The following RPH3AL variants were observed in gnomAD, a reference collection of about 807,000 sequenced individuals.
The protein encoded by RPH3AL is rabphilin 3A like (without C2 domains).
RPH3AL carries 38 observed loss-of-function variants against 43.1 expected under a neutral mutation model. The ratio of observed to expected loss-of-function variants is 0.88; its 90% CI spans 0.68 to 1.15. RPH3AL has a LOEUF of 1.15. RPH3AL is among the 50% of genes most tolerant of loss of function. The pLI is 0.00. For synonymous variants in RPH3AL, 189 were observed against 176.3 expected (o/e 1.07, Z -0.57); for missense variants, 462 against 423.2 (o/e 1.09, Z -0.81).
In RPH3AL at chr17:333,052, C is replaced by G; in HGVS notation, c.-37+707G>C. The G allele has an allele frequency of 7.8e-7, 1 of 1,289,102 alleles. No individual in the cohort carries two copies. The highest frequency in any genetic ancestry group is 1.0e-6 in the Non-Finnish European group (1 of 988,702). 79.9% of individuals were successfully genotyped at this position (1,289,102 alleles called of 1,614,324 possible). On this transcript the variant is annotated intron_variant, in intron 2 of 9. Coordinates refer to ENST00000331302, the MANE Select transcript of RPH3AL (RefSeq NM_006987.4). This position sits in a 1 kb window ranked among gnomAD's most constrained non-coding sequence, Gnocchi z 4.5. ...AGATCGGTAAAAACAACCCCTTCTTCCAGGAGGATGCAATTCTCTCTCTAA... is the reference window on the plus strand; with the variant it reads ...AGATCGGTAAAAACAACCCCTTCTTGCAGGAGGATGCAATTCTCTCTCTAA...
intron 6 of RPH3AL, among the ~76,000 whole-genome samples, chr17:258,935 A>G (rs184557295): frequency 1.0e-3 from 157 of 151,664 alleles, no homozygotes; most frequent in Middle Eastern, 3.4e-3. Flanking sequence ...GAAGTCAACC[A>G]CTTTTGAACT....
intron 8 of RPH3AL, 79 bp downstream of exon 8, chr17:219,544 A>ATT: frequency 1.9e-5 from 1 of 51,588 alleles, no homozygotes; most frequent in Non-Finnish European, 3.4e-5. Context: ...TTTTTTTTTG[A>ATT]GATGGAGTTT....
chr17:349,178 A>G (rs1308045606), intron 1 of RPH3AL: 1 of 152,064 alleles, frequency 6.6e-6, no homozygotes, highest in Non-Finnish European at 1.5e-5. Flanking sequence ...CCAGGGAGAG[A>G]ATGGTCCTCC....
intron 8 of RPH3AL, among the ~76,000 whole-genome samples, chr17:217,562 C>G (rs2040839465): frequency 1.7e-5 from 1 of 58,770 alleles, no homozygotes. Flanking sequence ...CATTTCGTTC[C>G]CATCTGGGGC....
rs750460470 is a variant in RPH3AL at position 225,596 on chromosome 17, T to C, written c.614-5860A>G. Among the ~76,000 whole-genome samples, 2 of 152,158 alleles carry C rather than the reference T, an allele frequency of 1.3e-5. No homozygotes were observed. The highest frequency in any genetic ancestry group is 2.9e-5 in the Non-Finnish European group (2 of 68,008). ...GAAATTAGAGGCCTGTGGCTCACAC[T>C]TCCCGGGAGCAGGGAGGTGTCCAGC... is the stretch of plus-strand genomic sequence containing the variant. On this transcript the variant is annotated intron_variant, in intron 7 of 9. Transcript: ENST00000331302. The surrounding 1 kb of genome is among the most constrained non-coding windows in gnomAD (Gnocchi z 4.4).
intron 6 of RPH3AL, among the ~76,000 whole-genome samples, chr17:250,466 T>C (rs1296621164): frequency 2.2e-5 from 2 of 92,062 alleles, no homozygotes; most frequent in East Asian, 3.8e-4. Flanking sequence ...AGAGCCTAAG[T>C]GCCATCGCTG....
intron 6 of RPH3AL, among the ~76,000 whole-genome samples, chr17:250,978 C>T (rs1555542360): frequency 6.6e-6 from 1 of 152,222 alleles, no homozygotes; most frequent in Non-Finnish European, 1.5e-5. Context: ...AAGAACACAC[C>T]GTGCTCTCTA....
chr17:263,178 G>A (rs1365786878), intron 6 of RPH3AL, among the ~76,000 whole-genome samples: 1 of 152,182 alleles, frequency 6.6e-6, no homozygotes, highest in East Asian at 1.9e-4. Context: ...GGTGGGCATG[G>A]GGGAGGAAGA....
intron 7 of RPH3AL, among the ~76,000 whole-genome samples, chr17:243,464 T>G (rs149071992): frequency 0.012 from 1,661 of 139,296 alleles, 2 homozygotes; most frequent in South Asian, 0.036. Flanking sequence ...ATTACCTTCC[T>G]CTATTGACTA....
At chr17:251,974 T>TC (rs2041913770) in intron 6 of RPH3AL, among the ~76,000 whole-genome samples, 1 of 96,360 alleles carries the variant, frequency 1.0e-5, no homozygotes, top group African/African-American at 4.7e-5. Context: ...CTTTTTTTTT[T>TC]ACTTTTTTTT....
chr17:326,274 C>T (rs1458248473), intron 3 of RPH3AL, among the ~76,000 whole-genome samples: 1 of 152,242 alleles, frequency 6.6e-6, no homozygotes, highest in Non-Finnish European at 1.5e-5. Context: ...TCTCCTGGGG[C>T]GTTTCGAATT....
intron 7 of RPH3AL, among the ~76,000 whole-genome samples, chr17:235,594 C>CGG (rs1459706040): frequency 1.7e-5 from 2 of 119,916 alleles, no homozygotes; most frequent in African/African-American, 6.9e-5. Context: ...ACTAACAAGA[C>CGG]GGATCCCGGG....
chr17:302,272 G>C (rs934675326), intron 5 of RPH3AL, among the ~76,000 whole-genome samples: 1 of 152,234 alleles, frequency 6.6e-6, no homozygotes, highest in African/African-American at 2.4e-5. Context: ...AGGCCAGAGA[G>C]GGAAACAGAT....
rs1490869704 is a variant in RPH3AL, at chr17:333,180, A to G, written c.-37+579T>C. On this transcript the variant is annotated intron_variant, in intron 2 of 9. Transcript: ENST00000331302. The surrounding 1 kb of genome is among the most constrained non-coding windows in gnomAD (Gnocchi z 4.5). ...ACCCCGGGCGTTCGTCACTGCAGAC[A>G]TCACTGCAGACACAGAGAAGGCCAT... 2 of 1,124,748 alleles carry G rather than the reference A, an allele frequency of 1.8e-6. No individual in the cohort carries two copies. The highest frequency in any genetic ancestry group is 3.3e-5 in the African/African-American group (2 of 60,168). 69.7% of individuals were successfully genotyped at this position (1,124,748 alleles called of 1,614,324 possible). A position where few individuals can be genotyped will look rare whatever the true frequency, so the allele number is the denominator to read the frequency against.
intron 5 of RPH3AL, among the ~76,000 whole-genome samples, chr17:314,752 A>T: frequency 6.8e-6 from 1 of 147,710 alleles, no homozygotes; most frequent in South Asian, 2.1e-4. Context: ...CTCCACCTCC[A>T]TTGACCTGTA....
rs535695979 is a variant in RPH3AL at position 274,634 on chromosome 17, G to A, written c.438+7134C>T. On this transcript the variant is annotated intron_variant, in intron 6 of 9. Coordinates refer to ENST00000331302, the MANE Select transcript of RPH3AL (RefSeq NM_006987.4). This position sits in a 1 kb window ranked among gnomAD's most constrained non-coding sequence, Gnocchi z 4.7. ...GTCCCTCGTCCTCCCTGGTTCCGAC[G>A]GGCCAGGTCGCAGGAGAGTCAAAGG... Among the ~76,000 whole-genome samples the A allele has an allele frequency of 5.9e-4, 90 of 152,214 alleles. No individual in the cohort carries two copies. The highest frequency in any genetic ancestry group is 1.9e-3 in the African/African-American group (78 of 41,538).
chr17:310,095 T>C (rs1434668995), intron 5 of RPH3AL, among the ~76,000 whole-genome samples: 1 of 151,240 alleles, frequency 6.6e-6, no homozygotes, highest in Non-Finnish European at 1.5e-5. Context: ...CATCCCAGGC[T>C]CAGGCGGGCT....
At position 348,027 on chromosome 17, in the gene RPH3AL, T is replaced by G. The variant is rs556439169; in HGVS notation, c.-213+4685A>C. The stretch of plus-strand genomic sequence containing the variant: ...CCAAAAAAAAAAAAATTAAATTAAT[T>G]AAAAGAAAAATGAGGCTACTCTGGG... On this transcript the variant is annotated intron_variant, in intron 1 of 9. Transcript: ENST00000331302. Among the ~76,000 whole-genome samples, 6 of 145,414 alleles carry G rather than the reference T, an allele frequency of 4.1e-5. No individual in the cohort carries two copies. In the South Asian group the frequency reaches 1.3e-3, roughly 31 times the overall value.
At chr17:268,730 T>G (rs2042383926) in intron 6 of RPH3AL, among the ~76,000 whole-genome samples, 1 of 151,748 alleles carries the variant, frequency 6.6e-6, no homozygotes, top group Admixed American at 6.6e-5. Context: ...ACCAGGCTAA[T>G]TTTTAAAAAC....
Sources: allele counts gnomAD v4.1 joint callset (sites outside exome capture counted in the v4.1 genomes callset), GRCh38; gene constraint gnomAD v4.1.1; non-coding constraint Gnocchi (gnomAD v3.1); transcripts MANE v1.5; gene names NCBI Gene and HGNC (gene_info 2026-07-23, HGNC 2026-07-21).